The following BLTP1 variants were observed in gnomAD, a reference collection of about 807,000 sequenced individuals.
BLTP1 encodes fragile site-associated protein.
chr4:122,229,190 G>T, the BLTP1 span: 9 of 1,612,034 alleles, frequency 5.6e-6, no homozygotes, highest in Admixed American at 1.2e-4. Flanking sequence ...TTTAGCAGTA[G>T]ATGGAGCCGA....
the BLTP1 span, chr4:122,201,793 C>T: frequency 2.3e-6 from 2 of 867,976 alleles, no homozygotes; most frequent in Middle Eastern, 5.7e-4. Flanking sequence ...TCCACAGAAA[C>T]CTAATCTTTG....
At chr4:122,318,126 C>T in the BLTP1 span, 1 of 1,585,610 alleles carries the variant, frequency 6.3e-7, no homozygotes, top group Non-Finnish European at 8.5e-7. Flanking sequence ...ACAATAATTG[C>T]CATATTTGTT....
At chr4:122,209,875 A>G in the BLTP1 span, 19 of 1,613,508 alleles carry the variant, frequency 1.2e-5, no homozygotes, top group Admixed American at 2.2e-4. Flanking sequence ...TTGATTATAC[A>G]TGGCATCCAA....
At chr4:122,284,660 C>T in the BLTP1 span, among the ~76,000 whole-genome samples, 4 of 151,910 alleles carry the variant, frequency 2.6e-5, no homozygotes, top group Non-Finnish European at 5.9e-5. Flanking sequence ...AACTGTAGTC[C>T]AAAAATATTA....
At chr4:122,245,996 T>G in the BLTP1 span, 1 of 412,582 alleles carries the variant, frequency 2.4e-6, no homozygotes, top group Non-Finnish European at 3.3e-6. Context: ...TTTCCTAGCT[T>G]ATCGAAAGTT....
At chr4:122,263,356 G>C in the BLTP1 span, 1 of 1,441,962 alleles carries the variant, frequency 6.9e-7, no homozygotes, top group African/African-American at 1.4e-5. Flanking sequence ...ATTTTAACTT[G>C]ATTCTTCAAA....
At chr4:122,215,539 T>C in the BLTP1 span, 5 of 985,264 alleles carry the variant, frequency 5.1e-6, no homozygotes, top group Non-Finnish European at 6.0e-6. Context: ...CAGATGGAAG[T>C]ATCAAAGGAG....
the BLTP1 span, chr4:122,229,741 TTTTG>T: frequency 2.1e-5 from 20 of 964,648 alleles, no homozygotes; most frequent in Non-Finnish European, 2.3e-5. Flanking sequence ...TTTGTTTTTA[TTTTG>T]TTTAACTTTT....
the BLTP1 span, among the ~76,000 whole-genome samples, chr4:122,233,724 T>G: frequency 2.0e-5 from 3 of 152,224 alleles, no homozygotes; most frequent in Non-Finnish European, 4.4e-5. Flanking sequence ...TTAATGTCTC[T>G]ATGTTACTTT....
At chr4:122,179,879 C>T in the BLTP1 span, 1 of 985,212 alleles carries the variant, frequency 1.0e-6, no homozygotes, top group Non-Finnish European at 1.2e-6. Flanking sequence ...AAGTATCCTC[C>T]CTGCCCCCCA....
chr4:122,327,856 AAT>A, the BLTP1 span: 60,279 of 207,212 alleles, frequency 0.29, 9,512 homozygotes, highest in South Asian at 0.5. Context: ...TTGATACAGT[AAT>A]ATATGTTTAT....
At chr4:122,180,928 A>G in the BLTP1 span, among the ~76,000 whole-genome samples, 1 of 152,238 alleles carries the variant, frequency 6.6e-6, no homozygotes, top group African/African-American at 2.4e-5. Context: ...AAGTAATAAA[A>G]TAACAGAAAG....
chr4:122,331,462 C>T, the BLTP1 span: 43 of 1,611,592 alleles, frequency 2.7e-5, no homozygotes, highest in Non-Finnish European at 3.2e-5. Context: ...ACTTGATATA[C>T]GGGTTGAAAT....
chr4:122,271,291 G>A, the BLTP1 span: 1 of 1,613,986 alleles, frequency 6.2e-7, no homozygotes, highest in Non-Finnish European at 8.5e-7. Context: ...AAGCAACTCA[G>A]ACTGATATTA....
the BLTP1 span, chr4:122,172,966 T>G: frequency 6.3e-7 from 1 of 1,583,718 alleles, no homozygotes; most frequent in Non-Finnish European, 8.5e-7. Flanking sequence ...TTCCAAGTAT[T>G]AAATTGTAAG....
At chr4:122,243,133 GAAT>G in the BLTP1 span, 1 of 1,424,496 alleles carries the variant, frequency 7.0e-7, no homozygotes, top group Non-Finnish European at 9.8e-7. Context: ...AGTTTATTCT[GAAT>G]AATAATCATT....
chr4:122,334,384 A>G, the BLTP1 span: 1 of 1,610,598 alleles, frequency 6.2e-7, no homozygotes, highest in Non-Finnish European at 8.5e-7. Context: ...GAATCACCTA[A>G]TGCCTCCAGG....
chr4:122,359,784 GAAT>G, the BLTP1 span: 9 of 1,518,320 alleles, frequency 5.9e-6, no homozygotes, highest in East Asian at 1.2e-4. Context: ...AAAAAGTTAT[GAAT>G]AATGTAAGTT....
At chr4:122,247,583 C>T in the BLTP1 span, 1 of 1,145,480 alleles carries the variant, frequency 8.7e-7, no homozygotes, top group South Asian at 2.0e-5. Flanking sequence ...GTGGTATGGC[C>T]CCAAATTAGG....
Sources: allele counts gnomAD v4.1 joint callset (sites outside exome capture counted in the v4.1 genomes callset), GRCh38; gene constraint gnomAD v4.1.1; transcripts MANE v1.5; gene names NCBI Gene and HGNC (gene_info 2026-07-23, HGNC 2026-07-21).